The following RAB28 variants were observed in gnomAD, a reference collection of about 807,000 sequenced individuals.
The protein encoded by RAB28 is ras-related protein Rab-28.
Under a neutral mutation model 31.7 loss-of-function variants are expected in RAB28, and 24 were observed. That is an observed-to-expected ratio of 0.76 (90% CI 0.55 to 1.06). The LOEUF is 1.06. Ranked by LOEUF, RAB28 falls within the 50% of genes least tolerant of loss-of-function variation. The pLI, the probability that RAB28 is intolerant of heterozygous loss-of-function variation, is 0.00. For synonymous variants in RAB28, 100 were observed against 90.4 expected (o/e 1.11, Z -0.60); for missense variants, 254 against 258.5 (o/e 0.98, Z 0.12).
chr4:13,483,264 A>G (rs1280402522), intron 1 of RAB28, among the ~76,000 whole-genome samples: 2 of 152,054 alleles, frequency 1.3e-5, no homozygotes, highest in African/African-American at 4.8e-5. Context: ...AGATAATAAG[A>G]CTGACGCTGC....
chr4:13,474,054 T>C (rs1050217413), intron 3 of RAB28: 33 of 567,016 alleles, frequency 5.8e-5, no homozygotes, highest in South Asian at 2.8e-4. Flanking sequence ...ACTGCATTTA[T>C]TGAACTGCTA....
intron 4 of RAB28, among the ~76,000 whole-genome samples, chr4:13,400,638 A>C (rs1443816958): frequency 6.6e-6 from 1 of 152,148 alleles, no homozygotes; most frequent in Non-Finnish European, 1.5e-5. Flanking sequence ...CCTTGTACCT[A>C]ATCTTAGGTG....
At chr4:13,415,321 G>A (rs1041755840) in intron 4 of RAB28, among the ~76,000 whole-genome samples, 23 of 152,326 alleles carry the variant, frequency 1.5e-4, no homozygotes, top group Middle Eastern at 3.4e-3. Flanking sequence ...GGAAGTGCCC[G>A]CCGCTGGGCT....
At chr4:13,483,246 T>A (rs1716694283) in intron 1 of RAB28, among the ~76,000 whole-genome samples, 1 of 152,136 alleles carries the variant, frequency 6.6e-6, no homozygotes. Context: ...TAGGAGCCCC[T>A]GCCTAGGAGA....
chr4:13,400,812 T>A (rs1385647851), intron 4 of RAB28, among the ~76,000 whole-genome samples: 1 of 152,244 alleles, frequency 6.6e-6, no homozygotes, highest in African/African-American at 2.4e-5. Flanking sequence ...ATGCTTTTTA[T>A]GTTTCTGTTG....
chr4:13,415,095 GGAA>G (rs1314125474), intron 4 of RAB28, among the ~76,000 whole-genome samples: 4 of 152,206 alleles, frequency 2.6e-5, no homozygotes, highest in African/African-American at 7.2e-5. Context: ...CTATAGGTAA[GGAA>G]GAAGAATCAT....
intron 4 of RAB28, among the ~76,000 whole-genome samples, chr4:13,427,864 A>C (rs182274695): frequency 6.6e-6 from 1 of 152,306 alleles, no homozygotes; most frequent in African/African-American, 2.4e-5. Context: ...GCCGCGACAA[A>C]ACCCCACAGA....
intron 4 of RAB28, among the ~76,000 whole-genome samples, chr4:13,416,322 C>T (rs1207489642): frequency 2.6e-5 from 4 of 152,152 alleles, no homozygotes; most frequent in East Asian, 1.9e-4. Context: ...CCTGAGCCAG[C>T]GAGACCACAA....
intron 5 of RAB28, among the ~76,000 whole-genome samples, chr4:13,378,244 T>C (rs1728997948): frequency 6.6e-6 from 1 of 152,128 alleles, no homozygotes; most frequent in Non-Finnish European, 1.5e-5. Flanking sequence ...CCAGGAGGCG[T>C]TGTATCCTGG....
intron 4 of RAB28, among the ~76,000 whole-genome samples, chr4:13,394,150 A>C (rs531264060): frequency 2.3e-4 from 35 of 152,276 alleles, no homozygotes; most frequent in African/African-American, 7.9e-4. Context: ...GAATCAGGAT[A>C]GCAATGACAA....
At chr4:13,424,579 CTT>C (rs1427497857) in intron 4 of RAB28, among the ~76,000 whole-genome samples, 1 of 152,178 alleles carries the variant, frequency 6.6e-6, no homozygotes, top group Non-Finnish European at 1.5e-5. Flanking sequence ...TTCAACATCT[CTT>C]TTGGAAGGAG....
intron 4 of RAB28, among the ~76,000 whole-genome samples, chr4:13,443,812 G>C (rs1158504837): frequency 6.6e-6 from 1 of 152,000 alleles, no homozygotes; most frequent in Non-Finnish European, 1.5e-5. Context: ...GTGATACTTT[G>C]TACCCTTTGA....
chr4:13,429,541 A>T (rs1025295919), intron 4 of RAB28, among the ~76,000 whole-genome samples: 1 of 152,168 alleles, frequency 6.6e-6, no homozygotes, highest in South Asian at 2.1e-4. Flanking sequence ...ACTTTACAAC[A>T]GAATTAAAAA....
chr4:13,398,347 A>T (rs1711544212), intron 4 of RAB28, among the ~76,000 whole-genome samples: 1 of 152,166 alleles, frequency 6.6e-6, no homozygotes, highest in East Asian at 1.9e-4. Context: ...TCATTTGCAA[A>T]CTTCCACATA....
rs751303753 is a variant in RAB28, at chr4:13,376,631, C to T, written c.496-9G>A. ...TGAAAGCACAGGAAGACCTACATAA[C>T]AAAAATGGGTTTAAATGATTTAAAA... is the stretch of plus-strand genomic sequence containing the variant. On this transcript the variant is annotated splice_polypyrimidine_tract_variant and intron_variant, in intron 5 of 6. Coordinates refer to ENST00000330852, the MANE Select transcript of RAB28 (RefSeq NM_001017979.3). The T allele has an allele frequency of 3.8e-6, 6 of 1,578,502 alleles. No individual in the cohort carries two copies. Among genetic ancestry groups the T allele is most frequent in the African/African-American group, 2.7e-5 (2 of 73,556 alleles).
At chr4:13,413,673 A>G (rs1712577175) in intron 4 of RAB28, among the ~76,000 whole-genome samples, 1 of 152,232 alleles carries the variant, frequency 6.6e-6, no homozygotes, top group Non-Finnish European at 1.5e-5. Flanking sequence ...AAAAGATAGT[A>G]ATAAATAAGA....
At chr4:13,373,092 C>T (rs1577146562) in intron 6 of RAB28, among the ~76,000 whole-genome samples, 1 of 152,182 alleles carries the variant, frequency 6.6e-6, no homozygotes, top group Admixed American at 6.5e-5. Flanking sequence ...GAATTCTTAA[C>T]ACCAAGTAGA....
intron 4 of RAB28, among the ~76,000 whole-genome samples, chr4:13,399,077 T>C (rs1333812346): frequency 6.6e-6 from 1 of 152,096 alleles, no homozygotes; most frequent in African/African-American, 2.4e-5. Flanking sequence ...ATGAGAAAAC[T>C]GCAGAGAAAG....
chr4:13,427,617 T>C (rs992235549), intron 4 of RAB28, among the ~76,000 whole-genome samples: 11 of 152,208 alleles, frequency 7.2e-5, no homozygotes, highest in African/African-American at 2.7e-4. Context: ...GAAATCTGTA[T>C]GGGTTTCCTT....
Sources: allele counts gnomAD v4.1 joint callset (sites outside exome capture counted in the v4.1 genomes callset), GRCh38; gene constraint gnomAD v4.1.1; transcripts MANE v1.5; gene names NCBI Gene and HGNC (gene_info 2026-07-23, HGNC 2026-07-21).